The following ACTR2 variants were observed in gnomAD, a reference collection of about 807,000 sequenced individuals.
ACTR2 encodes the protein actin-related protein 2.
Under a neutral mutation model 50.2 loss-of-function variants are expected in ACTR2, and 5 were observed. The ratio of observed to expected loss-of-function variants is 0.10; its 90% CI spans 0.05 to 0.21. The LOEUF (loss-of-function observed/expected upper bound fraction) is 0.21. Among genes scored for constraint, ACTR2 ranks in the 10% least tolerant of loss-of-function variants. The pLI is 1.00. For missense variants in ACTR2, 180 were observed against 480.6 expected, an observed-to-expected ratio of 0.37 and a Z score of 5.85; for synonymous variants, 140 against 162.9, an observed-to-expected ratio of 0.86 and a Z score of 1.07.
intron 5 of ACTR2, among the ~76,000 whole-genome samples, chr2:65,254,938 GA>G (rs1288445780): frequency 6.6e-6 from 1 of 151,870 alleles, no homozygotes; most frequent in Non-Finnish European, 1.5e-5. Context: ...AATATTAGAG[GA>G]TTTTTTTTTT....
chr2:65,239,581 T>C (rs1190885791), intron 1 of ACTR2, among the ~76,000 whole-genome samples: 1 of 152,246 alleles, frequency 6.6e-6, no homozygotes, highest in African/African-American at 2.4e-5. Flanking sequence ...ACTGCTCAGC[T>C]TAGCTCCCTG....
chr2:65,263,072 C>T (rs268865), intron 7 of ACTR2, among the ~76,000 whole-genome samples: 19,971 of 151,286 alleles, frequency 0.13, 1,845 homozygotes, highest in Non-Finnish European at 0.2. Context: ...GATAGAGTCT[C>T]GCTCTGTCGC....
chr2:65,258,253 C>G (rs946091737), intron 6 of ACTR2, among the ~76,000 whole-genome samples: 1 of 152,082 alleles, frequency 6.6e-6, no homozygotes, highest in Non-Finnish European at 1.5e-5. Flanking sequence ...TCTCTCTTTT[C>G]TCAAAGAATT....
chr2:65,256,376 T>C (rs1203349518), intron 6 of ACTR2, among the ~76,000 whole-genome samples: 1 of 152,196 alleles, frequency 6.6e-6, no homozygotes, highest in African/African-American at 2.4e-5. Context: ...TGATCCTACT[T>C]GAATTTTTAA....
At chr2:65,251,629 G>A (rs1672053286) in intron 4 of ACTR2, among the ~76,000 whole-genome samples, 1 of 152,182 alleles carries the variant, frequency 6.6e-6, no homozygotes, top group African/African-American at 2.4e-5. Flanking sequence ...CTGAAGTGCT[G>A]GGATTACAGG....
intron 7 of ACTR2, 143 bp downstream of exon 7, chr2:65,261,535 G>T: frequency 1.2e-6 from 1 of 867,122 alleles, no homozygotes. Flanking sequence ...CTTACGGAAA[G>T]GTTGCAAGAA....
chr2:65,255,392 G>A (rs561947482), intron 5 of ACTR2, among the ~76,000 whole-genome samples, 153 bp from the exon 6 acceptor site: 6 of 152,152 alleles, frequency 3.9e-5, no homozygotes, highest in East Asian at 3.9e-4. Flanking sequence ...CTTTTATGGC[G>A]GATAAAATCC....
intron 4 of ACTR2, among the ~76,000 whole-genome samples, chr2:65,252,550 C>A (rs551583559): frequency 6.6e-6 from 1 of 151,696 alleles, no homozygotes; most frequent in East Asian, 1.9e-4. Context: ...GAGGCTGAGG[C>A]GGGAGAATCG....
chr2:65,260,323 A>AT (rs1471083520), intron 6 of ACTR2, among the ~76,000 whole-genome samples: 1 of 152,224 alleles, frequency 6.6e-6, no homozygotes, highest in African/African-American at 2.4e-5. Context: ...CCTGGTCAAC[A>AT]TGATGAAACC....
intron 1 of ACTR2, among the ~76,000 whole-genome samples, chr2:65,235,622 GCGA>G: frequency 6.6e-6 from 1 of 152,152 alleles, no homozygotes; most frequent in Admixed American, 6.5e-5. Context: ...AGGTGCAGTG[GCGA>G]GCGCCTGTAA....
intron 3 of ACTR2, among the ~76,000 whole-genome samples, chr2:65,248,149 C>G (rs561586146): frequency 1.0e-3 from 153 of 152,194 alleles, no homozygotes; most frequent in Non-Finnish European, 1.1e-3. Context: ...GCCTGTAATC[C>G]CAGCACTTCT....
intron 7 of ACTR2, among the ~76,000 whole-genome samples, chr2:65,262,184 A>G (rs1433452944): frequency 6.6e-6 from 1 of 152,158 alleles, no homozygotes; most frequent in Non-Finnish European, 1.5e-5. Flanking sequence ...TATAGGTTAT[A>G]TCTTCACTTT....
intron 5 of ACTR2, 115 bp from the exon 6 acceptor site, chr2:65,255,430 T>C: frequency 2.4e-6 from 2 of 824,304 alleles, no homozygotes; most frequent in Non-Finnish European, 3.7e-6. Flanking sequence ...GAGCTGAGGA[T>C]CCACTGCCCA....
intron 3 of ACTR2, among the ~76,000 whole-genome samples, chr2:65,248,150 C>T (rs1249864560): frequency 6.6e-6 from 1 of 152,148 alleles, no homozygotes; most frequent in Non-Finnish European, 1.5e-5. Context: ...CCTGTAATCC[C>T]AGCACTTCTG....
Position 65,230,121 on chromosome 2 carries a change from C to T in ACTR2, c.48+2164C>T, listed in dbSNP as rs539431068. ...ATATTTAAACTAAATTAACCATAAA[C>T]GCATGTTACATGTGCGGCTAAAATT... On this transcript the variant is annotated intron_variant, in intron 1 of 8. Coordinates refer to ENST00000260641, the MANE Select transcript of ACTR2 (RefSeq NM_005722.4). Among the ~76,000 whole-genome samples the T allele has an allele frequency of 1.6e-4, 25 of 152,248 alleles. 1 individual carries two copies. Among genetic ancestry groups the T allele is most frequent in the Middle Eastern group, 3.4e-3 (1 of 294 alleles).
At chr2:65,251,827 G>A (rs1468063016) in intron 4 of ACTR2, among the ~76,000 whole-genome samples, 1 of 152,092 alleles carries the variant, frequency 6.6e-6, no homozygotes, top group East Asian at 1.9e-4. Flanking sequence ...CTTTTGAGGT[G>A]GGTTTAATGG....
chr2:65,251,552 G>C (rs922455329), intron 4 of ACTR2, among the ~76,000 whole-genome samples: 2 of 152,068 alleles, frequency 1.3e-5, no homozygotes, highest in African/African-American at 4.8e-5. Context: ...GTAGAGATGG[G>C]GTTTCTCCAT....
intron 1 of ACTR2, among the ~76,000 whole-genome samples, chr2:65,238,925 G>A (rs1029240098): frequency 6.6e-6 from 1 of 152,044 alleles, no homozygotes; most frequent in Non-Finnish European, 1.5e-5. Flanking sequence ...CTGAGATCAC[G>A]CCACTGCACT....
intron 2 of ACTR2, chr2:65,242,571 G>T: frequency 2.2e-6 from 1 of 449,846 alleles, no homozygotes; most frequent in Non-Finnish European, 4.4e-6. Flanking sequence ...ACCATAGATA[G>T]AAAAAGAGAA....
Sources: gnomAD v4.1 joint callset for allele counts (sites outside exome capture counted in the v4.1 genomes callset) on GRCh38, gnomAD v4.1.1 for gene constraint, MANE v1.5 for transcripts, NCBI Gene and HGNC (gene_info 2026-07-23, HGNC 2026-07-21) for gene names.